ZFYVE1: variants seen among roughly 807,000 people sequenced by gnomAD.
ZFYVE1 encodes zinc finger FYVE-type containing 1.
A neutral mutation model predicts 74.4 loss-of-function variants in ZFYVE1; 30 were observed. The observed-to-expected ratio is 0.40, with a 90% CI of 0.30 to 0.55. The LOEUF is 0.55. ZFYVE1 is among the 20% of genes least tolerant of loss of function. ZFYVE1 has a pLI of 0.42. For synonymous variants in ZFYVE1, 335 were observed against 385.1 expected, an observed-to-expected ratio of 0.87 and a Z score of 1.52; for missense variants, 703 against 1,011.6, an observed-to-expected ratio of 0.69 and a Z score of 4.14.
At chr14:73,023,321 TAATATATATTATATATGTTTTATATATAA>T (rs1894374217) in intron 2 of ZFYVE1, among the ~76,000 whole-genome samples, 1 of 107,344 alleles carries the variant, frequency 9.3e-6, no homozygotes, top group African/African-American at 3.8e-5. Context: ...GTTTTATATA[TAATATATATTATATATGTTTTATATATAA>T]TATATATTAT....
chr14:73,025,416 C>A (rs1220975061), intron 1 of ZFYVE1, among the ~76,000 whole-genome samples: 1 of 151,886 alleles, frequency 6.6e-6, no homozygotes, highest in Non-Finnish European at 1.5e-5. Flanking sequence ...TGTTGTATAG[C>A]CAGGCGCAGT....
At position 72,969,722 on chromosome 14, in the gene ZFYVE1, G is replaced by T. The variant is rs770827059; in HGVS notation, c.*1160C>A. The T allele has an allele frequency of 6.7e-4, 472 of 702,316 alleles. 2 individuals carry two copies. The highest frequency in any genetic ancestry group is 8.2e-4 in the Non-Finnish European group (314 of 384,822). 43.5% of individuals were successfully genotyped at this position (702,316 alleles called of 1,614,324 possible). A position where few individuals can be genotyped will look rare whatever the true frequency, so the allele number is the denominator to read the frequency against. On this transcript the variant is annotated 3_prime_UTR_variant, in exon 12 of 12. Transcript: ENST00000556143. ...TGATGATAGGATTTCAGCACAACGG[G>T]CCCTTTCCAGTCATGACAGACAGAG...
chr14:72,991,491 T>TG (rs1330742741), intron 4 of ZFYVE1, among the ~76,000 whole-genome samples: 8 of 135,548 alleles, frequency 5.9e-5, no homozygotes, highest in Admixed American at 2.8e-4. Flanking sequence ...GCCCGGCCCC[T>TG]GATGGTCTTA....
Position 72,978,050 on chromosome 14 carries a change from A to G in ZFYVE1, c.1518-6T>C. ...TAGGACATTCGATCACATACCTACA[A>G]GGAAAGCAAATCAATACTGTTACCC... On this transcript the variant is annotated splice_region_variant and splice_polypyrimidine_tract_variant and intron_variant, in intron 7 of 11. Coordinates refer to ENST00000556143, the MANE Select transcript of ZFYVE1 (RefSeq NM_021260.4). 6.2e-7 allele frequency: 1 copy of G among 1,614,194 alleles called. No homozygotes were observed. The highest frequency in any genetic ancestry group is 1.6e-4 in the Middle Eastern group (1 of 6,062).
Position 72,970,111 on chromosome 14 carries a change from G to A in ZFYVE1, c.*771C>T. 3.9e-6 allele frequency: 1 copy of A among 253,398 alleles called. No homozygotes were observed. The highest frequency in any genetic ancestry group is 5.5e-5 in the South Asian group (1 of 18,062). 15.7% of individuals were successfully genotyped at this position (253,398 alleles called of 1,614,324 possible). Reference sequence around the variant, plus strand: ...GAGTGGAGACAGAAGCATCGGGACAGGAAGCCCTGCTGGAGAAGGCTCAGT... The same window carrying A: ...GAGTGGAGACAGAAGCATCGGGACAAGAAGCCCTGCTGGAGAAGGCTCAGT... On this transcript the variant is annotated 3_prime_UTR_variant, in exon 12 of 12. Transcript: ENST00000556143.
chr14:73,010,874 T>G (rs1461513380), intron 2 of ZFYVE1, among the ~76,000 whole-genome samples: 1 of 150,870 alleles, frequency 6.6e-6, no homozygotes, highest in Non-Finnish European at 1.5e-5. Context: ...TAACAAATTA[T>G]GTCAATATAG....
chr14:72,987,652 T>C (rs1218376893), intron 4 of ZFYVE1, among the ~76,000 whole-genome samples: 2 of 152,220 alleles, frequency 1.3e-5, no homozygotes, highest in African/African-American at 4.8e-5. Context: ...CAGACAACCA[T>C]AGTTAACTCA....
chr14:73,011,894 T>C lies in ZFYVE1; in HGVS notation c.483+12132A>G, dbSNP rs1391796289. 2.3e-4 allele frequency among the ~76,000 whole-genome samples: 34 copies of C among 150,550 alleles called. 1 individual carries two copies. The highest frequency in any genetic ancestry group is 2.2e-3 in the Admixed American group (33 of 15,088). Reference sequence around the variant, plus strand: ...TGCATACATATATATATATATAAAATGCATAAGAAAACATTCAATCTTCTT... The same window carrying C: ...TGCATACATATATATATATATAAAACGCATAAGAAAACATTCAATCTTCTT... On this transcript the variant is annotated intron_variant, in intron 2 of 11. Coordinates refer to ENST00000556143, the MANE Select transcript of ZFYVE1 (RefSeq NM_021260.4).
At chr14:72,987,216 G>A (rs547164347) in intron 4 of ZFYVE1, among the ~76,000 whole-genome samples, 10 of 152,236 alleles carry the variant, frequency 6.6e-5, no homozygotes, top group African/African-American at 2.2e-4. Context: ...AATGCTTCCC[G>A]ATGTGACAGA....
In ZFYVE1 at chr14:72,970,926, C is replaced by T; in HGVS notation, c.2290G>A (p.Val764Ile). 2 of 1,614,210 alleles carry T rather than the reference C, an allele frequency of 1.2e-6. No homozygotes were observed. Among genetic ancestry groups the T allele is most frequent in the Non-Finnish European group, 1.7e-6 (2 of 1,180,048 alleles). The change falls in exon 12 of 12, where the codon GTC becomes ATC. Residue 764 changes from valine to isoleucine, a missense_variant. By Grantham distance (29) the Val-to-Ile change is conservative. Coordinates refer to ENST00000556143, the MANE Select transcript of ZFYVE1 (RefSeq NM_021260.4). ...TTATTGCAGTTGAAGCAGACTCGGA[C>T]GGGATGGTCCCAGCCACGAGAAGGA... Reference protein sequence around the residue: ...AVPSRGWDHPVRVCFNCNKKP... With the variant: ...AVPSRGWDHPIRVCFNCNKKP...
At chr14:72,983,337 T>TC (rs1487878031) in intron 4 of ZFYVE1, among the ~76,000 whole-genome samples, 5 of 149,716 alleles carry the variant, frequency 3.3e-5, no homozygotes, top group Non-Finnish European at 5.9e-5. Flanking sequence ...CCTAATGCTA[T>TC]CCTTCCCCCC....
rs1451611302 is a variant in ZFYVE1 at position 72,993,286 on chromosome 14, A to T, written c.1060T>A (p.Phe354Ile). 1 of 1,613,630 alleles carries T rather than the reference A, an allele frequency of 6.2e-7. No homozygotes were observed. Among genetic ancestry groups the T allele is most frequent in the Non-Finnish European group, 8.5e-7 (1 of 1,179,986 alleles). ...FRKLGRFPEAFSSIHYKGTRT... is the reference protein window; with the variant it reads ...FRKLGRFPEAISSIHYKGTRT... ...GTTCCCTTGTAGTGAATGGAACTAA[A>T]GGCTTCAGGGAAACGGCCCAGCTTC... is the stretch of plus-strand genomic sequence containing the variant. The change falls in exon 4 of 12, where the codon TTT becomes ATT. Residue 354 changes from phenylalanine (F) to isoleucine (I), a missense_variant. Phe to Ile is a conservative substitution (Grantham distance 21). Around this residue, in one of 2 missense-constraint regions of ZFYVE1, gnomAD observed 492 missense variants for 790.0 expected, o/e 0.62. Coordinates refer to ENST00000556143, the MANE Select transcript of ZFYVE1 (RefSeq NM_021260.4).
intron 4 of ZFYVE1, among the ~76,000 whole-genome samples, chr14:72,983,405 A>T (rs1220199520): frequency 7.8e-5 from 10 of 128,010 alleles, no homozygotes; most frequent in South Asian, 2.6e-4. Context: ...CCTGTGTCCA[A>T]GTGTTCTCAT....
In ZFYVE1 at chr14:72,975,776, A is replaced by G. The variant is rs1893154316; in HGVS notation, c.1636-55T>C. ...CTCTGAGAAGGGAGTGAAAGGAAGG[A>G]GGAAGAGGGATGTTTGGTGAGTTGC... On this transcript the variant is annotated intron_variant, in intron 8 of 11. Transcript: ENST00000556143. This position sits in a 1 kb window ranked among gnomAD's most constrained non-coding sequence, Gnocchi z 4.1. 6.3e-7 allele frequency: 1 copy of G among 1,588,074 alleles called. No individual in the cohort carries two copies. The highest frequency in any genetic ancestry group is 2.2e-5 in the East Asian group (1 of 44,684).
chr14:73,002,254 T>A (rs187415949), intron 2 of ZFYVE1, among the ~76,000 whole-genome samples: 146 of 151,736 alleles, frequency 9.6e-4, no homozygotes, highest in African/African-American at 1.2e-3. Flanking sequence ...GATTAGTGGT[T>A]GCTAGAGGAA....
At chr14:72,981,397 C>G (rs978546433) in intron 5 of ZFYVE1, among the ~76,000 whole-genome samples, 1 of 152,136 alleles carries the variant, frequency 6.6e-6, no homozygotes, top group African/African-American at 2.4e-5. Flanking sequence ...AGGGGGGGCA[C>G]TCAAATATCA....
chr14:72,993,063 C>G, intron 4 of ZFYVE1, 80 bp downstream of exon 4: 1 of 1,388,548 alleles, frequency 7.2e-7, no homozygotes, highest in Non-Finnish European at 9.7e-7. Context: ...ATCACCAGCA[C>G]CACAAAAGCT....
At chr14:72,991,003 AG>A (rs200616096) in intron 4 of ZFYVE1, among the ~76,000 whole-genome samples, 1 of 151,878 alleles carries the variant, frequency 6.6e-6, no homozygotes, top group South Asian at 2.1e-4. Context: ...CTCACCCGAC[AG>A]ACCAGGTTCA....
At chr14:72,983,980 A>G (rs1319527206) in intron 4 of ZFYVE1, among the ~76,000 whole-genome samples, 5 of 152,188 alleles carry the variant, frequency 3.3e-5, no homozygotes, top group Non-Finnish European at 7.4e-5. Context: ...TCAAGTCCCT[A>G]CAAAGGCACG....
Sources: allele counts gnomAD v4.1 joint callset (sites outside exome capture counted in the v4.1 genomes callset), GRCh38; gene constraint gnomAD v4.1.1; regional missense constraint gnomAD v4.1.1; non-coding constraint Gnocchi (gnomAD v3.1); transcripts MANE v1.5; gene names NCBI Gene and HGNC (gene_info 2026-07-23, HGNC 2026-07-21).